Variants in ASAP1 observed in about 807,000 individuals in gnomAD.
ASAP1 encodes arf-GAP with SH3 domain, ANK repeat and PH domain-containing protein 1.
ASAP1 carries 43 observed loss-of-function variants against 145.2 expected under a neutral mutation model. The observed-to-expected ratio is 0.30, with a 90% CI of 0.23 to 0.38. The LOEUF (loss-of-function observed/expected upper bound fraction) is 0.38, where lower values mean the gene tolerates loss of function less well. Ranked by LOEUF, ASAP1 falls within the 10% of genes least tolerant of loss-of-function variation. The pLI, the probability that ASAP1 is intolerant of heterozygous loss-of-function variation, is 1.00. For missense variants in ASAP1, 1,018 were observed against 1,355.3 expected, an observed-to-expected ratio of 0.75 and a Z score of 3.91; for synonymous variants, 546 against 515.5, an observed-to-expected ratio of 1.06 and a Z score of -0.80.
intron 25 of ASAP1, among the ~76,000 whole-genome samples, chr8:130,086,240 C>T (rs1000493167): frequency 1.3e-5 from 2 of 152,238 alleles, no homozygotes; most frequent in Non-Finnish European, 2.9e-5. Context: ...CAGGTGAATC[C>T]TGGCCCCCAC....
intron 27 of ASAP1, among the ~76,000 whole-genome samples, chr8:130,062,598 T>C (rs2097421915): frequency 6.6e-6 from 1 of 152,200 alleles, no homozygotes; most frequent in Admixed American, 6.5e-5. Flanking sequence ...GCCTTGGCTG[T>C]GAGTCACACT....
rs1477261725 is a variant in ASAP1 at position 130,052,948 on chromosome 8, T to C, written c.*1783A>G. ...GCCAGTCACAACCCAGCATGTCAACTGGTTCCTCATGCTCTGTTTGGTGTG... is the reference window on the plus strand; with the variant it reads ...GCCAGTCACAACCCAGCATGTCAACCGGTTCCTCATGCTCTGTTTGGTGTG... On this transcript the variant is annotated 3_prime_UTR_variant, in exon 30 of 30. Coordinates refer to ENST00000518721, the MANE Select transcript of ASAP1 (RefSeq NM_018482.4). 6 of 152,232 alleles carry C rather than the reference T, an allele frequency of 3.9e-5. No homozygotes were observed. Among genetic ancestry groups the C allele is most frequent in the Admixed American group, 3.9e-4 (6 of 15,286 alleles). 9.4% of individuals were successfully genotyped at this position (152,232 alleles called of 1,614,324 possible). A position where few individuals can be genotyped will look rare whatever the true frequency, so the allele number is the denominator to read the frequency against.
intron 8 of ASAP1, 30 bp downstream of exon 8, chr8:130,180,721 T>C: frequency 6.3e-7 from 1 of 1,596,828 alleles, no homozygotes; most frequent in Non-Finnish European, 8.5e-7. Flanking sequence ...GTTATAATTC[T>C]AGGCAAATGG....
At chr8:130,058,700 G>GT (rs1482310863) in intron 28 of ASAP1, among the ~76,000 whole-genome samples, 1 of 152,146 alleles carries the variant, frequency 6.6e-6, no homozygotes, top group Non-Finnish European at 1.5e-5. Flanking sequence ...GAAAATAGAG[G>GT]TATCACCTTC....
At chr8:130,275,757 T>C (rs1160537877) in intron 3 of ASAP1, among the ~76,000 whole-genome samples, 1 of 152,186 alleles carries the variant, frequency 6.6e-6, no homozygotes, top group East Asian at 1.9e-4. Flanking sequence ...ATAAAAATGC[T>C]TTTAAAACAA....
chr8:130,385,942 T>G (rs975410126), intron 2 of ASAP1, among the ~76,000 whole-genome samples: 1 of 152,186 alleles, frequency 6.6e-6, no homozygotes. Context: ...CTGGGAATGA[T>G]CAGGTGACAT....
chr8:130,225,508 A>C (rs1399843128), intron 4 of ASAP1, among the ~76,000 whole-genome samples: 1 of 152,198 alleles, frequency 6.6e-6, no homozygotes, highest in Non-Finnish European at 1.5e-5. Flanking sequence ...TCTATATGGC[A>C]TGAGGAGGAG....
chr8:130,333,456 T>A (rs1245750528), intron 3 of ASAP1, among the ~76,000 whole-genome samples: 2 of 152,088 alleles, frequency 1.3e-5, no homozygotes, highest in African/African-American at 2.4e-5. Flanking sequence ...ATAAAAAAAT[T>A]AGCCAGGCAT....
chr8:130,111,210 C>CAA (rs768575084), intron 24 of ASAP1, among the ~76,000 whole-genome samples: 3,822 of 41,694 alleles, frequency 0.092, 658 homozygotes, highest in South Asian at 0.22. Context: ...TCATCTCTAC[C>CAA]AAAAAAAAAA....
At chr8:130,347,073 T>C (rs77137017) in intron 3 of ASAP1, among the ~76,000 whole-genome samples, 2,468 of 152,322 alleles carry the variant, frequency 0.016, 39 homozygotes, top group East Asian at 0.069. Context: ...TATTTAACAC[T>C]GAGGAAAAAC....
At chr8:130,353,875 G>A (rs1007350673) in intron 3 of ASAP1, among the ~76,000 whole-genome samples, 15 of 152,006 alleles carry the variant, frequency 9.9e-5, no homozygotes, top group African/African-American at 3.4e-4. Context: ...CCTGTTTCAC[G>A]GAGAGAAGGG....
intron 1 of ASAP1, among the ~76,000 whole-genome samples, chr8:130,415,427 C>T (rs541735409): frequency 1.3e-4 from 20 of 152,230 alleles, no homozygotes; most frequent in African/African-American, 4.8e-4. Flanking sequence ...ATGACTGTGC[C>T]ACTGCACTCC....
chr8:130,128,198 A>C, intron 15 of ASAP1, 108 bp from the exon 16 acceptor site: 3 of 798,192 alleles, frequency 3.8e-6, no homozygotes, highest in Non-Finnish European at 5.2e-6. Flanking sequence ...ACTTTTGTCA[A>C]GTAATTCCAA....
intron 3 of ASAP1, among the ~76,000 whole-genome samples, chr8:130,256,568 G>A (rs994583834): frequency 1.3e-5 from 2 of 151,564 alleles, no homozygotes; most frequent in Non-Finnish European, 2.9e-5. Context: ...TTTAAAACAC[G>A]AATGCTTCCC....
rs765695293 is a variant in ASAP1 at position 130,128,067 on chromosome 8, C to T, written c.1241G>A (p.Ser414Asn). The T allele has an allele frequency of 5.6e-6, 9 of 1,594,454 alleles. No homozygotes were observed. The highest frequency in any genetic ancestry group is 6.0e-6 in the Non-Finnish European group (7 of 1,171,464). The change falls in exon 16 of 30, where the codon AGC (serine) becomes AAC (asparagine). Residue 414 changes from serine (S) to asparagine (N), a missense_variant. Transcript: ENST00000518721. ...GGCCATGGTTAGGGCCTCTTCTTTGCTATTTGTCAATACTGATATCCATCT... is the reference window on the plus strand; with the variant it reads ...GGCCATGGTTAGGGCCTCTTCTTTGTTATTTGTCAATACTGATATCCATCT... ...YVAWISVLTN[S>N]KEEALTMAFR...
chr8:130,243,209 A>AGTT (rs1818647153), intron 3 of ASAP1, among the ~76,000 whole-genome samples: 1 of 152,136 alleles, frequency 6.6e-6, no homozygotes, highest in Admixed American at 6.6e-5. Flanking sequence ...TGATAAAGTA[A>AGTT]GTTGTTCATA....
Position 130,079,880 on chromosome 8 carries a change from A to G in ASAP1, c.2642+22T>C, listed in dbSNP as rs1193590102. On this transcript the variant is annotated intron_variant, in intron 26 of 29. Transcript: ENST00000518721. ...TGCATCAATGGATCCAACAGGGGAAATGAAGCGCTGAGATGGCTTACCTCG... is the reference window on the plus strand; with the variant it reads ...TGCATCAATGGATCCAACAGGGGAAGTGAAGCGCTGAGATGGCTTACCTCG... 16 of 1,608,892 alleles carry G rather than the reference A, an allele frequency of 9.9e-6. 1 individual carries two copies. The Admixed American group carries it at 2.7e-4, about 27-fold the overall frequency.
intron 1 of ASAP1, among the ~76,000 whole-genome samples, chr8:130,432,808 T>A (rs1019958482): frequency 1.3e-5 from 2 of 152,180 alleles, no homozygotes; most frequent in African/African-American, 4.8e-5. Context: ...CCCTTCATAT[T>A]TCACTGGCCA....
At chr8:130,334,757 T>G (rs894258540) in intron 3 of ASAP1, among the ~76,000 whole-genome samples, 3 of 152,186 alleles carry the variant, frequency 2.0e-5, no homozygotes, top group Non-Finnish European at 4.4e-5. Context: ...TACTACAACA[T>G]CAACAAAAAT....
Sources: allele counts gnomAD v4.1 joint callset (sites outside exome capture counted in the v4.1 genomes callset), GRCh38; gene constraint gnomAD v4.1.1; transcripts MANE v1.5; gene names NCBI Gene and HGNC (gene_info 2026-07-23, HGNC 2026-07-21).